NRXN3: variants seen among roughly 807,000 people sequenced by gnomAD.
NRXN3 encodes neurexin III.
NRXN3 carries 32 observed loss-of-function variants against 137.6 expected under a neutral mutation model. The ratio of observed to expected loss-of-function variants is 0.23; its 90% CI spans 0.18 to 0.31. The LOEUF is 0.31. Among genes scored for constraint, NRXN3 ranks in the 10% least tolerant of loss-of-function variants. The pLI is 1.00. For missense variants in NRXN3, 1,574 were observed against 2,062.5 expected, an observed-to-expected ratio of 0.76 and a Z score of 4.59; for synonymous variants, 798 against 784.5, an observed-to-expected ratio of 1.02 and a Z score of -0.29.
intron 10 of NRXN3, among the ~76,000 whole-genome samples, chr14:78,919,448 A>C (rs975724900): frequency 2.0e-5 from 3 of 152,226 alleles, no homozygotes; most frequent in Non-Finnish European, 2.9e-5. Flanking sequence ...CAAGTGGAGA[A>C]GAATTGGAGT....
chr14:79,161,641 A>G (rs1359754055), intron 15 of NRXN3, among the ~76,000 whole-genome samples: 3 of 151,992 alleles, frequency 2.0e-5, no homozygotes, highest in Non-Finnish European at 4.4e-5. Context: ...GGCACGTATC[A>G]TTCACTTGAA....
intron 8 of NRXN3, among the ~76,000 whole-genome samples, chr14:78,784,711 T>C (rs2098783122): frequency 6.6e-6 from 1 of 152,048 alleles, no homozygotes; most frequent in Non-Finnish European, 1.5e-5. Flanking sequence ...GGGGGGATCA[T>C]TAGGAGATGA....
intron 10 of NRXN3, among the ~76,000 whole-genome samples, chr14:78,841,949 A>G (rs749525766): frequency 7.9e-5 from 12 of 152,152 alleles, no homozygotes; most frequent in Non-Finnish European, 1.8e-4. Context: ...CAGGGTTAGA[A>G]TGAGGATTTG....
At chr14:79,788,562 A>T (rs559274586) in intron 19 of NRXN3, among the ~76,000 whole-genome samples, 4 of 152,188 alleles carry the variant, frequency 2.6e-5, no homozygotes, top group Non-Finnish European at 5.9e-5. Context: ...CACTGACTCA[A>T]ATTAACAGAA....
At chr14:78,661,000 A>T (rs2097835964) in intron 6 of NRXN3, among the ~76,000 whole-genome samples, 1 of 152,230 alleles carries the variant, frequency 6.6e-6, no homozygotes, top group Non-Finnish European at 1.5e-5. Flanking sequence ...CTATCCCAGG[A>T]TACAGAGAGA....
chr14:78,289,507 T>C (rs1422322847), intron 3 of NRXN3, among the ~76,000 whole-genome samples: 1 of 152,174 alleles, frequency 6.6e-6, no homozygotes, highest in African/African-American at 2.4e-5. Flanking sequence ...ACAACCTCAT[T>C]CTGACTCTTT....
Position 79,321,345 on chromosome 14 carries a change from A to C in NRXN3, c.3263-145876A>C, listed in dbSNP as rs542431940. On this transcript the variant is annotated intron_variant, in intron 15 of 20. Coordinates refer to ENST00000335750, the MANE Select transcript of NRXN3 (RefSeq NM_001330195.2). The stretch of plus-strand genomic sequence containing the variant: ...GGACCTTTAGTCCAGTGAAAGGTGA[A>C]AAATGAGTTTGTTAGATTTCAAAAT... Among the ~76,000 whole-genome samples, 7 of 152,312 alleles carry C rather than the reference A, an allele frequency of 4.6e-5. No individual in the cohort carries two copies. The East Asian group carries it at 1.4e-3, about 29-fold the overall frequency.
At chr14:79,637,993 G>T (rs2098414550) in intron 16 of NRXN3, among the ~76,000 whole-genome samples, 1 of 151,958 alleles carries the variant, frequency 6.6e-6, no homozygotes, top group South Asian at 2.1e-4. Context: ...GCCTCCCAAA[G>T]TGCTGAGATT....
chr14:78,777,600 C>A (rs2098748688), intron 8 of NRXN3, among the ~76,000 whole-genome samples: 1 of 152,080 alleles, frequency 6.6e-6, no homozygotes, highest in South Asian at 2.1e-4. Context: ...ACAACACTGC[C>A]CCTCTATTAT....
intron 15 of NRXN3, among the ~76,000 whole-genome samples, chr14:79,378,935 G>A (rs986932667): frequency 4.6e-5 from 7 of 151,124 alleles, no homozygotes; most frequent in Non-Finnish European, 1.0e-4. Context: ...CTTTGAAGTT[G>A]ATCCATGTGG....
At position 79,729,402 on chromosome 14, in the gene NRXN3, A is replaced by AAAAC. The variant is rs1314193478; in HGVS notation, c.4014+31467_4014+31470dup. ...TCCTATTAAGGCCACACCTGTCTGCAAAACAGGTGGGATCCATGTGAACCA... is the reference window on the plus strand; with the variant it reads ...TCCTATTAAGGCCACACCTGTCTGCAAAACAAACAGGTGGGATCCATGTGAACCA... On this transcript the variant is annotated intron_variant, in intron 19 of 20. Transcript: ENST00000335750. 3.3e-5 allele frequency among the ~76,000 whole-genome samples: 5 copies of AAAAC among 152,186 alleles called. 1 individual carries two copies. In the East Asian group the frequency reaches 9.6e-4, roughly 29 times the overall value.
intron 15 of NRXN3, among the ~76,000 whole-genome samples, chr14:79,302,148 T>A (rs2153223893): frequency 6.6e-6 from 1 of 152,150 alleles, no homozygotes. Flanking sequence ...ATGGTAGCAG[T>A]TACCATTTAT....
At chr14:78,586,446 A>G (rs1600877338) in intron 4 of NRXN3, among the ~76,000 whole-genome samples, 1 of 152,234 alleles carries the variant, frequency 6.6e-6, no homozygotes, top group Non-Finnish European at 1.5e-5. Context: ...GGACGGTAGT[A>G]GCACAGGATT....
At chr14:79,353,387 C>T (rs2093302783) in intron 15 of NRXN3, among the ~76,000 whole-genome samples, 1 of 152,014 alleles carries the variant, frequency 6.6e-6, no homozygotes, top group Non-Finnish European at 1.5e-5. Context: ...ATATGCTGAG[C>T]TTCCTCTTGC....
intron 16 of NRXN3, among the ~76,000 whole-genome samples, chr14:79,662,516 T>C (rs1368140568): frequency 6.6e-6 from 1 of 152,138 alleles, no homozygotes; most frequent in Non-Finnish European, 1.5e-5. Context: ...AGGAGGTTGG[T>C]GATATCACCA....
chr14:78,903,375 C>T (rs887497605), intron 10 of NRXN3, among the ~76,000 whole-genome samples: 1 of 151,834 alleles, frequency 6.6e-6, no homozygotes, highest in African/African-American at 2.4e-5. Context: ...CTCTTGGGCT[C>T]AAGGGATCTG....
intron 15 of NRXN3, among the ~76,000 whole-genome samples, chr14:78,988,484 A>G (rs1463380849): frequency 6.6e-6 from 1 of 152,164 alleles, no homozygotes; most frequent in Non-Finnish European, 1.5e-5. Context: ...TATCTTATTG[A>G]ATTTAACTCC....
rs75943597 is a variant in NRXN3, at chr14:79,035,483, C to G, written c.3262+47342C>G. 3.9e-5 allele frequency among the ~76,000 whole-genome samples: 6 copies of G among 152,152 alleles called. No individual in the cohort carries two copies. The East Asian group carries it at 1.2e-3, about 29-fold the overall frequency. On this transcript the variant is annotated intron_variant, in intron 15 of 20. Transcript: ENST00000335750. The stretch of plus-strand genomic sequence containing the variant: ...AAAAGGTCCTATTTCTGTCCATCAC[C>G]TACATGCACATATTCATAGAAATCA...
At chr14:78,985,978 G>A (rs950341680) in intron 14 of NRXN3, among the ~76,000 whole-genome samples, 1 of 152,134 alleles carries the variant, frequency 6.6e-6, no homozygotes, top group Admixed American at 6.6e-5. Context: ...TAATTGTTTT[G>A]AACTTTCTTA....
Sources: gnomAD v4.1 joint callset for allele counts (sites outside exome capture counted in the v4.1 genomes callset) on GRCh38, gnomAD v4.1.1 for gene constraint, MANE v1.5 for transcripts, NCBI Gene and HGNC (gene_info 2026-07-23, HGNC 2026-07-21) for gene names.